KIF11: variants seen among roughly 807,000 people sequenced by gnomAD.
KIF11 encodes kinesin-like protein KIF11.
Under a neutral mutation model 121.0 loss-of-function variants are expected in KIF11, and 9 were observed. The ratio of observed to expected loss-of-function variants is 0.07; its 90% CI spans 0.04 to 0.13. KIF11 has a LOEUF of 0.13. Ranked by LOEUF, KIF11 falls within the 10% of genes least tolerant of loss-of-function variation. The pLI, the probability that KIF11 is intolerant of heterozygous loss-of-function variation, is 1.00. For missense variants in KIF11, 846 were observed against 1,217.5 expected (o/e 0.69, Z 4.54); for synonymous variants, 408 against 421.0 (o/e 0.97, Z 0.38).
At chr10:92,638,441 C>A (rs1318491671) in intron 16 of KIF11, among the ~76,000 whole-genome samples, 1 of 152,148 alleles carries the variant, frequency 6.6e-6, no homozygotes, top group African/African-American at 2.4e-5. Context: ...TTTTCTCATA[C>A]ATCTACATAG....
chr10:92,613,589 A>C lies in KIF11; in HGVS notation c.1002A>C (p.Ala334=). The C allele has an allele frequency of 6.2e-7, 1 of 1,613,300 alleles. No individual in the cohort carries two copies. The part of the protein sequence containing the change: ...LGGRTRTSII[A]TISPASLNLE... Reference sequence around the variant, plus strand: ...GGCGTACAAGAACATCTATAATTGCAACAATTTCTCCTGCATCTCTCAATC... The same window carrying C: ...GGCGTACAAGAACATCTATAATTGCCACAATTTCTCCTGCATCTCTCAATC... The change falls in exon 8 of 22, where the codon GCA becomes GCC. Residue 334 remains alanine, a synonymous_variant. Coordinates refer to ENST00000260731, the MANE Select transcript of KIF11 (RefSeq NM_004523.4). The surrounding 1 kb of genome is among the most constrained non-coding windows in gnomAD (Gnocchi z 4.2).
chr10:92,634,267 G>A (rs1435160059), intron 14 of KIF11, among the ~76,000 whole-genome samples: 1 of 151,862 alleles, frequency 6.6e-6, no homozygotes, highest in African/African-American at 2.4e-5. Context: ...ACAGGCATGA[G>A]CCACCGTGCC....
chr10:92,599,806 C>T lies in KIF11; in HGVS notation c.77+6354C>T, dbSNP rs369524985. ...TAGCTGGGACTACAGGCACACGCTA[C>T]GACGCCCAGCTAATTTTTGTATTTT... On this transcript the variant is annotated intron_variant, in intron 1 of 21. Coordinates refer to ENST00000260731, the MANE Select transcript of KIF11 (RefSeq NM_004523.4). Among the ~76,000 whole-genome samples the T allele has an allele frequency of 2.3e-4, 35 of 149,320 alleles. No homozygotes were observed. The East Asian group carries it at 5.7e-3, about 24-fold the overall frequency.
chr10:92,650,107 G>A, intron 20 of KIF11, 121 bp downstream of exon 20: 2 of 709,074 alleles, frequency 2.8e-6, no homozygotes, highest in East Asian at 2.7e-5. Flanking sequence ...ATTAATGATA[G>A]GCCTAGCCCT....
chr10:92,650,811 T>C (rs1303289651), intron 21 of KIF11, among the ~76,000 whole-genome samples: 1 of 152,128 alleles, frequency 6.6e-6, no homozygotes. Context: ...AGAGCAGTCA[T>C]TTCTCTTCCT....
intron 1 of KIF11, among the ~76,000 whole-genome samples, chr10:92,604,657 A>G (rs533261152): frequency 1.3e-5 from 2 of 152,206 alleles, no homozygotes; most frequent in African/African-American, 4.8e-5. Flanking sequence ...AAGTTGAGGT[A>G]TCCTTCTTAA....
chr10:92,605,573 A>G (rs1589589763), intron 1 of KIF11, among the ~76,000 whole-genome samples: 1 of 133,668 alleles, frequency 7.5e-6, no homozygotes, highest in African/African-American at 2.9e-5. Flanking sequence ...CGCAACCTCC[A>G]CCTCCCAGGT....
chr10:92,653,483 A>G (rs1845010103), intron 21 of KIF11, among the ~76,000 whole-genome samples, 182 bp from the exon 22 acceptor site: 1 of 152,254 alleles, frequency 6.6e-6, no homozygotes, highest in African/African-American at 2.4e-5. Flanking sequence ...TTAGTGATCA[A>G]ATAAAGAAGG....
intron 10 of KIF11, among the ~76,000 whole-genome samples, chr10:92,626,960 C>G (rs967190205): frequency 6.6e-6 from 1 of 152,126 alleles, no homozygotes; most frequent in Non-Finnish European, 1.5e-5. Context: ...GACAGGGTTT[C>G]ACCATGTTAG....
rs764154880 is a variant in KIF11, at chr10:92,606,709, A to C, written c.301A>C (p.Ile101Leu). 7.0e-7 allele frequency: 1 copy of C among 1,437,824 alleles called. No homozygotes were observed. The allele number at this position is 1,437,824 out of a possible 1,614,324, so 89.1% of individuals were successfully genotyped here. ...DEVIMGYNCT[I>L]FAYGQTGTGK... ...AGTTATTATGGGCTATAATTGCACTATCTTTGCGTAAGTAAAAGGGTGTTT... is the reference window on the plus strand; with the variant it reads ...AGTTATTATGGGCTATAATTGCACTCTCTTTGCGTAAGTAAAAGGGTGTTT... The change falls in exon 3 of 22, where the codon ATC becomes CTC. Residue 101 changes from isoleucine (I) to leucine (L), a missense_variant. Transcript: ENST00000260731.
At chr10:92,618,962 CTG>C (rs1417097401) in intron 9 of KIF11, among the ~76,000 whole-genome samples, 1 of 152,050 alleles carries the variant, frequency 6.6e-6, no homozygotes, top group African/African-American at 2.4e-5. Context: ...CATTTCAAGA[CTG>C]TTATTGATTG....
intron 19 of KIF11, 72 bp from the exon 20 acceptor site, chr10:92,649,763 A>G (rs1317551240): frequency 6.1e-6 from 6 of 987,538 alleles, no homozygotes; most frequent in African/African-American, 1.6e-5. Flanking sequence ...TTAATTAGGA[A>G]GTTTTAGGTT....
At chr10:92,622,695 T>G (rs12262063) in intron 10 of KIF11, among the ~76,000 whole-genome samples, 13,213 of 152,172 alleles carry the variant, frequency 0.087, 647 homozygotes, top group Middle Eastern at 0.11. Context: ...AAGTTGACCT[T>G]GATACAATAT....
chr10:92,645,597 A>G lies in KIF11; in HGVS notation c.2502A>G (p.Val834=). Residue 834 remains valine (V), a synonymous_variant, in exon 18 of 22, where the codon GTA becomes GTG. Transcript: ENST00000260731. ...CAGTTTATTTTTCTGAACAGTGGGT[A>G]TCTTCCTTAAATGAAAGGGAACAGG... ...TRTVYFSEQW[V]SSLNEREQEL... 6.2e-7 allele frequency: 1 copy of G among 1,610,088 alleles called. No homozygotes were observed. The highest frequency in any genetic ancestry group is 8.5e-7 in the Non-Finnish European group (1 of 1,178,262).
At chr10:92,650,658 G>T in intron 21 of KIF11, 141 bp downstream of exon 21, 1 of 594,414 alleles carries the variant, frequency 1.7e-6, no homozygotes, top group Non-Finnish European at 3.0e-6. Flanking sequence ...CTTATGATTT[G>T]AATTATTTAC....
intron 1 of KIF11, among the ~76,000 whole-genome samples, chr10:92,597,480 G>T (rs1405949712): frequency 1.3e-5 from 2 of 151,978 alleles, no homozygotes; most frequent in African/African-American, 2.4e-5. Flanking sequence ...GGCCAGGCTG[G>T]TCTTGAACTA....
chr10:92,608,439 A>T lies in KIF11; in HGVS notation c.388-581A>T, dbSNP rs568688922. Among the ~76,000 whole-genome samples, 6 of 147,868 alleles carry T rather than the reference A, an allele frequency of 4.1e-5. No homozygotes were observed. The South Asian group carries it at 1.2e-3, about 31-fold the overall frequency. On this transcript the variant is annotated intron_variant, in intron 4 of 21. Coordinates refer to ENST00000260731, the MANE Select transcript of KIF11 (RefSeq NM_004523.4). ...TAGTTTCGCTGGGCAGAATTATTGAACTTGGCGTTTTTTTTTTGAGACGGA... is the reference window on the plus strand; with the variant it reads ...TAGTTTCGCTGGGCAGAATTATTGATCTTGGCGTTTTTTTTTTGAGACGGA...
intron 9 of KIF11, among the ~76,000 whole-genome samples, chr10:92,620,922 C>T (rs181404994): frequency 6.6e-6 from 1 of 152,358 alleles, no homozygotes; most frequent in Admixed American, 6.5e-5. Flanking sequence ...TAGGTGGGGA[C>T]ACAGAGCCAA....
Position 92,600,963 on chromosome 10 carries a change from C to T in KIF11, c.78-5302C>T, listed in dbSNP as rs1279221953. Among the ~76,000 whole-genome samples the T allele has an allele frequency of 2.0e-5, 3 of 151,836 alleles. No individual in the cohort carries two copies. In the East Asian group the frequency reaches 5.8e-4, roughly 29 times the overall value. The stretch of plus-strand genomic sequence containing the variant: ...GTTACCTCTGCCTCCTGGGTTCAAG[C>T]AGTTCTCTGCCTCAGCCTCCCAAGT... On this transcript the variant is annotated intron_variant, in intron 1 of 21. Transcript: ENST00000260731.
Sources: allele counts gnomAD v4.1 joint callset (sites outside exome capture counted in the v4.1 genomes callset), GRCh38; gene constraint gnomAD v4.1.1; non-coding constraint Gnocchi (gnomAD v3.1); transcripts MANE v1.5; gene names NCBI Gene and HGNC (gene_info 2026-07-23, HGNC 2026-07-21).